Variants in SETX observed in about 807,000 individuals in gnomAD.
The protein encoded by SETX is helicase senataxin.
In SETX, 90 loss-of-function variants were observed where a neutral mutation model predicts 227.2. The ratio of observed to expected loss-of-function variants is 0.40; its 90% CI spans 0.33 to 0.47. The LOEUF is 0.47. Ranked by LOEUF, SETX falls within the 20% of genes least tolerant of loss-of-function variation. The pLI, the probability that SETX is intolerant of heterozygous loss-of-function variation, is 0.91. For synonymous variants in SETX, 1,210 were observed against 1,113.2 expected (o/e 1.09, Z -1.73); for missense variants, 3,052 against 3,181.5 (o/e 0.96, Z 0.98).
chr9:132,264,834 G>A lies in SETX; in HGVS notation c.7439C>T (p.Ala2480Val), dbSNP rs376524608. Residue 2480 changes from alanine (A) to valine (V), a missense_variant, in exon 26 of 26, where the codon GCC becomes GTC. Coordinates refer to ENST00000224140, the MANE Select transcript of SETX (RefSeq NM_015046.7). ...ACCCTGGGGTCTGGACCCCTCTGGGGCTATGGTAGGAGGGTGAGTGAGACT... is the reference window on the plus strand; with the variant it reads ...ACCCTGGGGTCTGGACCCCTCTGGGACTATGGTAGGAGGGTGAGTGAGACT... ...QRSLTHPPTI[A>V]PEGSRPQGGL... 99 of 1,614,044 alleles carry A rather than the reference G, an allele frequency of 6.1e-5. No individual in the cohort carries two copies. Among genetic ancestry groups the A allele is most frequent in the Non-Finnish European group, 7.6e-5 (90 of 1,180,040 alleles).
intron 15 of SETX, among the ~76,000 whole-genome samples, chr9:132,290,704 G>C (rs566531981): frequency 6.6e-6 from 1 of 151,992 alleles, no homozygotes; most frequent in East Asian, 1.9e-4. Context: ...AGACCAGCCT[G>C]GGCAACATGA....
At chr9:132,283,545 G>C in intron 18 of SETX, 132 bp from the exon 19 acceptor site, 1 of 1,116,514 alleles carries the variant, frequency 9.0e-7, no homozygotes, top group Non-Finnish European at 1.3e-6. Flanking sequence ...GTAAAAGTTA[G>C]GGGAAACCCT....
Position 132,277,222 on chromosome 9 carries a change from A to G in SETX, c.6843-70T>C, listed in dbSNP as rs1778434058. ...TTTAAGAAAATATCTTGGTATTACTACAATTTTTTCTGTGTGGTGATGTGG... is the reference window on the plus strand; with the variant it reads ...TTTAAGAAAATATCTTGGTATTACTGCAATTTTTTCTGTGTGGTGATGTGG... On this transcript the variant is annotated intron_variant, in intron 21 of 25. Coordinates refer to ENST00000224140, the MANE Select transcript of SETX (RefSeq NM_015046.7). The G allele has an allele frequency of 4.9e-6, 7 of 1,429,300 alleles. No individual in the cohort carries two copies. In the Admixed American group the frequency reaches 1.3e-4, roughly 26 times the overall value. The allele number at this position is 1,429,300 out of a possible 1,614,324, so 88.5% of individuals were successfully genotyped here. A position where few individuals can be genotyped will look rare whatever the true frequency, so the allele number is the denominator to read the frequency against.
At chr9:132,299,059 C>G (rs996397593) in intron 12 of SETX, among the ~76,000 whole-genome samples, 4 of 152,144 alleles carry the variant, frequency 2.6e-5, no homozygotes, top group Non-Finnish European at 5.9e-5. Flanking sequence ...CAGCTTGGAC[C>G]AGGAGGCACT....
intron 8 of SETX, 43 bp from the exon 9 acceptor site, chr9:132,331,182 G>GA (rs751151783): frequency 1.1e-5 from 17 of 1,604,990 alleles, no homozygotes; most frequent in Middle Eastern, 1.6e-4. Context: ...AACGAAGGGG[G>GA]AAAAAAAGGA....
At chr9:132,330,936 CAGT>C (rs1463790886) in intron 9 of SETX, 113 bp downstream of exon 9, 21 of 808,672 alleles carry the variant, frequency 2.6e-5, no homozygotes, top group Non-Finnish European at 3.9e-5. Flanking sequence ...TTTTACATAG[CAGT>C]AGATTGAGAA....
chr9:132,265,389 C>A (rs1457297780), intron 25 of SETX, among the ~76,000 whole-genome samples: 2 of 151,978 alleles, frequency 1.3e-5, no homozygotes, highest in Non-Finnish European at 2.9e-5. Context: ...CCACGCCCGG[C>A]TAATTTTTTG....
At position 132,328,036 on chromosome 9, in the gene SETX, T is replaced by G. The variant is rs537026877; in HGVS notation, c.3562A>C (p.Thr1188Pro). 6.2e-7 allele frequency: 1 copy of G among 1,614,166 alleles called. No individual in the cohort carries two copies. Among genetic ancestry groups the G allele is most frequent in the African/African-American group, 1.3e-5 (1 of 75,042 alleles). ...SSVRNEGQSDTNKRDLVGNDF... is the reference protein window; with the variant it reads ...SSVRNEGQSDPNKRDLVGNDF... ...TTTCCCACAAGATCTCTCTTATTAG[T>G]ATCAGACTGGCCCTCATTTCTGACA... The change falls in exon 10 of 26, where the codon ACT becomes CCT. Residue 1188 changes from threonine (T) to proline (P), a missense_variant. Physicochemically the swap from Thr to Pro is conservative, Grantham distance 38. This residue lies in a region of SETX where 1,483 missense variants were observed against 1,312.0 expected (regional missense o/e 1.13). Transcript: ENST00000224140.
chr9:132,298,861 C>T (rs925514580), intron 12 of SETX, among the ~76,000 whole-genome samples: 2 of 152,134 alleles, frequency 1.3e-5, no homozygotes, highest in Non-Finnish European at 2.9e-5. Flanking sequence ...ACAGTAATGA[C>T]TCTGAACGCT....
rs1352654083 is a variant in SETX at position 132,336,386 on chromosome 9, T to C, written c.628A>G (p.Ile210Val). Residue 210 changes from isoleucine (I) to valine (V), a missense_variant, in exon 6 of 26, where the codon ATT (isoleucine) becomes GTT (valine). Transcript: ENST00000224140. ...TTCTCTAGGACAGAAGAAGTATAAA[T>C]GTCTGGACTCTCTAAAAGCCCCAAC... is the stretch of plus-strand genomic sequence containing the variant. Reference protein sequence around the residue: ...IELGLLESPDIYTSSVLEKGK... With the variant: ...IELGLLESPDVYTSSVLEKGK... The C allele has an allele frequency of 9.3e-6, 15 of 1,614,016 alleles. No individual in the cohort carries two copies. Among genetic ancestry groups the C allele is most frequent in the Non-Finnish European group, 1.2e-5 (14 of 1,179,988 alleles).
chr9:132,343,607 T>G (rs907942832), intron 4 of SETX, among the ~76,000 whole-genome samples: 5 of 152,238 alleles, frequency 3.3e-5, no homozygotes, highest in African/African-American at 1.2e-4. Context: ...TTTTTCATAT[T>G]ACATTTTCAA....
At chr9:132,288,723 T>C in intron 15 of SETX, 72 bp from the exon 16 acceptor site, 1 of 975,190 alleles carries the variant, frequency 1.0e-6, no homozygotes, top group Non-Finnish European at 1.6e-6. Flanking sequence ...ACATAGTATC[T>C]ATATTTCTAA....
At chr9:132,295,465 T>A (rs77054864) in intron 15 of SETX, among the ~76,000 whole-genome samples, 1 of 152,212 alleles carries the variant, frequency 6.6e-6, no homozygotes, top group Non-Finnish European at 1.5e-5. Flanking sequence ...TCTTTTTTTT[T>A]ATGGCAATCT....
At chr9:132,342,554 T>G (rs1848042468) in intron 5 of SETX, 136 bp downstream of exon 5, 2 of 788,174 alleles carry the variant, frequency 2.5e-6, no homozygotes, top group Non-Finnish European at 4.6e-6. Context: ...GCCCTCTACT[T>G]AACTGTAGTA....
intron 5 of SETX, among the ~76,000 whole-genome samples, chr9:132,337,405 A>G (rs1202267353): frequency 1.4e-5 from 2 of 147,358 alleles, no homozygotes; most frequent in African/African-American, 5.0e-5. Flanking sequence ...CTTGGAGACT[A>G]TGAATTAAAT....
intron 25 of SETX, 42 bp downstream of exon 25, chr9:132,269,573 A>G: frequency 1.2e-6 from 2 of 1,612,004 alleles, no homozygotes; most frequent in Non-Finnish European, 1.7e-6. Flanking sequence ...TCAATCCAAC[A>G]ACAGTAACAA....
In SETX at chr9:132,330,074, A is replaced by G; in HGVS notation, c.1524T>C (p.Ser508=). Residue 508 remains serine (S), a synonymous_variant, in exon 10 of 26, where the codon TCT becomes TCC. Transcript: ENST00000224140. ...TAFTRSSEKS[S]GNCSKGTAMI... ...TTGCTGTTCCTTTGGAGCAATTTCC[A>G]GATGATTTCTCAGAACTCCGTGTAA... The G allele has an allele frequency of 1.2e-6, 2 of 1,614,248 alleles. No individual in the cohort carries two copies. Among genetic ancestry groups the G allele is most frequent in the Non-Finnish European group, 1.7e-6 (2 of 1,180,020 alleles).
intron 23 of SETX, among the ~76,000 whole-genome samples, chr9:132,273,672 G>A (rs951091314): frequency 1.3e-5 from 2 of 152,066 alleles, no homozygotes; most frequent in African/African-American, 4.8e-5. Flanking sequence ...ATCCTGCTAA[G>A]CTTATTATCT....
At chr9:132,354,773 G>A (rs902945579) in intron 1 of SETX, 144 bp downstream of exon 1, 29 of 152,074 alleles carry the variant, frequency 1.9e-4, no homozygotes, top group African/African-American at 6.5e-4. Context: ...CGAGGGAAGC[G>A]GCCGAGCCCG....
Sources: gnomAD v4.1 joint callset for allele counts (sites outside exome capture counted in the v4.1 genomes callset) on GRCh38, gnomAD v4.1.1 for gene constraint, gnomAD v4.1.1 regional missense constraint, MANE v1.5 for transcripts, NCBI Gene and HGNC (gene_info 2026-07-23, HGNC 2026-07-21) for gene names.